DNAJC13: variants seen among roughly 807,000 people sequenced by gnomAD.
DNAJC13 encodes dnaJ homolog subfamily C member 13.
DNAJC13 carries 75 observed loss-of-function variants against 290.5 expected under a neutral mutation model. The observed-to-expected ratio is 0.26, with a 90% CI of 0.21 to 0.31. The LOEUF is 0.31. Ranked by LOEUF, DNAJC13 falls within the 10% of genes least tolerant of loss-of-function variation. The pLI is 1.00. For missense variants in DNAJC13, 2,260 were observed against 2,674.5 expected (o/e 0.85, Z 3.42); for synonymous variants, 862 against 892.0 (o/e 0.97, Z 0.60).
Position 132,507,231 on chromosome 3 carries a change from A to T in DNAJC13, c.4999-6A>T. 2 of 1,567,378 alleles carry T rather than the reference A, an allele frequency of 1.3e-6. No homozygotes were observed. The highest frequency in any genetic ancestry group is 1.1e-5 in the South Asian group (1 of 88,708). On this transcript the variant is annotated splice_polypyrimidine_tract_variant and splice_region_variant and intron_variant, in intron 42 of 55. Transcript: ENST00000260818. ...CTAACAGTCTATTTTTTCATCTTTT[A>T]AAAAGGGTGATTGTGACAAAACTTA...
At chr3:132,448,561 T>A (rs902670063) in intron 5 of DNAJC13, among the ~76,000 whole-genome samples, 1 of 152,172 alleles carries the variant, frequency 6.6e-6, no homozygotes, top group Non-Finnish European at 1.5e-5. Context: ...TCTTGAGATA[T>A]TAAATTTCTT....
At chr3:132,443,925 G>C (rs993076879) in intron 2 of DNAJC13, among the ~76,000 whole-genome samples, 2 of 152,128 alleles carry the variant, frequency 1.3e-5, no homozygotes, top group Admixed American at 6.5e-5. Context: ...AACTACATGT[G>C]GCTATTTATT....
intron 26 of DNAJC13, 152 bp downstream of exon 26, chr3:132,480,622 G>A (rs1934636068): frequency 3.4e-6 from 2 of 588,744 alleles, no homozygotes; most frequent in Non-Finnish European, 5.9e-6. Context: ...CACAGAAGAT[G>A]TGAAACCACT....
At position 132,477,978 on chromosome 3, in the gene DNAJC13, TAG is replaced by T. The variant is rs1269390381; in HGVS notation, c.2550-2_2550-1del. The stretch of plus-strand genomic sequence containing the variant: ...ATTGTGAACTTTTTTTTTTAAAATC[TAG>T]GTATGAATTTTTCAATGAGCTTTAT... On this transcript the variant is annotated splice_acceptor_variant, in intron 23 of 55. Transcript: ENST00000260818. LOFTEE classifies it high-confidence loss of function. 1 of 1,597,012 alleles carries T rather than the reference TAG, an allele frequency of 6.3e-7. No homozygotes were observed. Among genetic ancestry groups the T allele is most frequent in the Non-Finnish European group, 8.5e-7 (1 of 1,175,654 alleles).
intron 20 of DNAJC13, among the ~76,000 whole-genome samples, 185 bp from the exon 21 acceptor site, chr3:132,472,960 T>C (rs1186993263): frequency 2.6e-5 from 4 of 152,250 alleles, no homozygotes; most frequent in Admixed American, 2.6e-4. Context: ...AATTATTATA[T>C]GTGATATAAT....
intron 44 of DNAJC13, among the ~76,000 whole-genome samples, chr3:132,511,644 G>A (rs6793196): frequency 0.62 from 93,624 of 151,958 alleles, 31,688 homozygotes; most frequent in East Asian, 0.9. Context: ...GGGCACTGAT[G>A]TTTTTCAAAA....
intron 8 of DNAJC13, 78 bp from the exon 9 acceptor site, chr3:132,453,988 A>G: frequency 1.8e-6 from 2 of 1,082,280 alleles, no homozygotes; most frequent in Non-Finnish European, 1.4e-6. Flanking sequence ...TTTGTAAGCT[A>G]AGTGATGCAT....
Position 132,536,477 on chromosome 3 carries a change from C to T in DNAJC13, c.6626-1699C>T, listed in dbSNP as rs141079480. On this transcript the variant is annotated intron_variant, in intron 55 of 55. Coordinates refer to ENST00000260818, the MANE Select transcript of DNAJC13 (RefSeq NM_015268.4). ...GCCTCAGCACACAGTTTGAGAACTG[C>T]GTCATTAATCCACTTTCTAGATGCA... Among the ~76,000 whole-genome samples the T allele has an allele frequency of 1.0e-3, 152 of 152,288 alleles. 1 individual carries two copies. Among genetic ancestry groups the T allele is most frequent in the African/African-American group, 3.4e-3 (143 of 41,554 alleles).
chr3:132,471,705 G>A (rs1458087248), intron 20 of DNAJC13, among the ~76,000 whole-genome samples: 1 of 120,902 alleles, frequency 8.3e-6, no homozygotes, highest in Non-Finnish European at 1.8e-5. Flanking sequence ...GGGAAGAGGC[G>A]CTCCTCACTT....
At chr3:132,476,263 C>T (rs1310313042) in intron 22 of DNAJC13, among the ~76,000 whole-genome samples, 1 of 152,144 alleles carries the variant, frequency 6.6e-6, no homozygotes, top group Admixed American at 6.5e-5. Context: ...AACTTTTCTC[C>T]AAAATTGTGC....
chr3:132,496,927 G>A lies in DNAJC13; in HGVS notation c.4156+264G>A, dbSNP rs77436593. Among the ~76,000 whole-genome samples the A allele has an allele frequency of 0.063, 9,526 of 152,154 alleles. 393 individuals are homozygous for A. Among genetic ancestry groups the A allele is most frequent in the Non-Finnish European group, 0.092 (6,236 of 67,982 alleles). On this transcript the variant is annotated intron_variant, in intron 36 of 55. Transcript: ENST00000260818. ...TTCGCTCTGTGGAGTTACTTGGTTA[G>A]TTTTTGTGTTTAGCCATTTAGTAGC... is the stretch of plus-strand genomic sequence containing the variant.
intron 22 of DNAJC13, among the ~76,000 whole-genome samples, chr3:132,476,047 C>T (rs1411849225): frequency 2.0e-5 from 3 of 152,200 alleles, no homozygotes; most frequent in African/African-American, 7.2e-5. Flanking sequence ...AATCCTTCCA[C>T]CTTCGCCTCC....
chr3:132,538,164 T>C lies in DNAJC13; in HGVS notation c.6626-12T>C. ...CTTTCTAGAGGTGTGTGTTTACCTTTCTCTCTTGCAGGACCTGGAGTTGCT... is the reference window on the plus strand; with the variant it reads ...CTTTCTAGAGGTGTGTGTTTACCTTCCTCTCTTGCAGGACCTGGAGTTGCT... On this transcript the variant is annotated splice_polypyrimidine_tract_variant and intron_variant, in intron 55 of 55. Coordinates refer to ENST00000260818, the MANE Select transcript of DNAJC13 (RefSeq NM_015268.4). 6.2e-7 allele frequency: 1 copy of C among 1,612,152 alleles called. No individual in the cohort carries two copies. Among genetic ancestry groups the C allele is most frequent in the Non-Finnish European group, 8.5e-7 (1 of 1,178,558 alleles).
intron 46 of DNAJC13, 49 bp from the exon 47 acceptor site, chr3:132,516,373 T>C: frequency 1.3e-6 from 2 of 1,577,538 alleles, no homozygotes; most frequent in Non-Finnish European, 1.7e-6. Flanking sequence ...GCCAAGTAAA[T>C]ATAAGCTAAC....
intron 54 of DNAJC13, among the ~76,000 whole-genome samples, chr3:132,529,794 A>AT (rs1441629305): frequency 6.6e-6 from 1 of 151,964 alleles, no homozygotes; most frequent in Non-Finnish European, 1.5e-5. Flanking sequence ...CTCAAAAAAA[A>AT]AAAAAAAAAG....
chr3:132,469,960 ATTCTTTTTTTTTT>A (rs1559883096), intron 20 of DNAJC13, among the ~76,000 whole-genome samples: 1 of 29,266 alleles, frequency 3.4e-5, no homozygotes, highest in Non-Finnish European at 6.9e-5. Flanking sequence ...TGGAGCAGAG[ATTCTTTTTTTTTT>A]TTTTTTTTTT....
At chr3:132,516,332 C>A in intron 46 of DNAJC13, 90 bp from the exon 47 acceptor site, 2 of 1,132,898 alleles carry the variant, frequency 1.8e-6, no homozygotes, top group South Asian at 1.3e-5. Context: ...CTGTGTAGAA[C>A]ATCTAGTTAA....
Position 132,456,452 on chromosome 3 carries a change from A to C in DNAJC13, c.1100-49A>C, listed in dbSNP as rs762754670. 3.7e-6 allele frequency: 6 copies of C among 1,608,586 alleles called. No individual in the cohort carries two copies. The African/African-American group carries it at 4.0e-5, about 11-fold the overall frequency. ...CATTTCCACTCATCTACTTAATTTAAGAATTAGGAATTCGTATCTTCTTTT... is the reference window on the plus strand; with the variant it reads ...CATTTCCACTCATCTACTTAATTTACGAATTAGGAATTCGTATCTTCTTTT... On this transcript the variant is annotated intron_variant, in intron 10 of 55. Transcript: ENST00000260818.
intron 42 of DNAJC13, among the ~76,000 whole-genome samples, chr3:132,506,840 G>A (rs1205094660): frequency 6.6e-6 from 1 of 152,000 alleles, no homozygotes; most frequent in Admixed American, 6.6e-5. Context: ...ATGAGCCACC[G>A]TGCCCGGCCT....
Sources: allele counts gnomAD v4.1 joint callset (sites outside exome capture counted in the v4.1 genomes callset), GRCh38; gene constraint gnomAD v4.1.1; transcripts MANE v1.5; gene names NCBI Gene and HGNC (gene_info 2026-07-23, HGNC 2026-07-21).